Variants in OR2L13 observed in about 807,000 individuals in gnomAD.
OR2L13 encodes the protein olfactory receptor 2L13.
A neutral mutation model predicts 15.3 loss-of-function variants in OR2L13; 14 were observed. That is an observed-to-expected ratio of 0.91 (90% CI 0.60 to 1.43). OR2L13 has a LOEUF of 1.43. OR2L13 is among the 40% of genes most tolerant of loss of function. OR2L13 has a pLI of 0.00. For synonymous variants in OR2L13, 152 were observed against 142.9 expected, an observed-to-expected ratio of 1.06 and a Z score of -0.45; for missense variants, 367 against 387.9, an observed-to-expected ratio of 0.95 and a Z score of 0.45.
At chr1:248,004,147 T>A in the OR2L13 span, 2 of 1,228,474 alleles carry the variant, frequency 1.6e-6, no homozygotes, top group Admixed American at 2.6e-5. Flanking sequence ...TATCATTTCA[T>A]TCCTAGAGTT....
chr1:248,040,342 A>T, the OR2L13 span: 2 of 152,394 alleles, frequency 1.3e-5, no homozygotes, highest in East Asian at 3.9e-4. Flanking sequence ...GCAAGAAGGA[A>T]GGTAGAATGA....
chr1:248,003,321 A>G, the OR2L13 span: 67 of 1,589,900 alleles, frequency 4.2e-5, no homozygotes, highest in Non-Finnish European at 5.7e-5. Context: ...CTACTTAGTC[A>G]GCTCTCCCTC....
At chr1:248,022,262 T>C in the OR2L13 span, 10 of 1,614,086 alleles carry the variant, frequency 6.2e-6, no homozygotes, top group East Asian at 2.2e-4. Context: ...TCTTCATGAC[T>C]TTTGCAGGTG....
the OR2L13 span, among the ~76,000 whole-genome samples, chr1:248,021,397 A>T: frequency 2.6e-5 from 4 of 152,216 alleles, no homozygotes; most frequent in Non-Finnish European, 4.4e-5. Context: ...TTACTATTCT[A>T]TAAGTAGTCC....
chr1:247,966,004 C>T, the OR2L13 span: 2 of 1,612,792 alleles, frequency 1.2e-6, no homozygotes, highest in South Asian at 1.1e-5. Flanking sequence ...CTTGCTACTA[C>T]CATTCCTAGC....
At chr1:248,038,397 A>G in the OR2L13 span, 1 of 1,613,680 alleles carries the variant, frequency 6.2e-7, no homozygotes, top group East Asian at 2.2e-5. Flanking sequence ...AAATCTATCC[A>G]TGATTCTTCT....
the OR2L13 span, among the ~76,000 whole-genome samples, chr1:248,078,279 G>A: frequency 3.3e-5 from 5 of 152,004 alleles, no homozygotes; most frequent in South Asian, 2.1e-4. Flanking sequence ...TCAGGAGATC[G>A]AAATCATCCT....
At chr1:247,995,746 G>A in the OR2L13 span, among the ~76,000 whole-genome samples, 1 of 151,796 alleles carries the variant, frequency 6.6e-6, no homozygotes, top group African/African-American at 2.4e-5. Flanking sequence ...ATTTTTTTGA[G>A]ACATCATGTC....
the OR2L13 span, chr1:248,003,501 C>A: frequency 1.2e-6 from 2 of 1,611,686 alleles, no homozygotes; most frequent in African/African-American, 1.3e-5. Context: ...CGTTGCATTG[C>A]TATTTGCTTT....
chr1:248,010,392 G>A, the OR2L13 span, among the ~76,000 whole-genome samples: 1 of 152,160 alleles, frequency 6.6e-6, no homozygotes, highest in Non-Finnish European at 1.5e-5. Context: ...TGAGAAGAAT[G>A]TATATTCTGT....
upstream of OR2L13, among the ~76,000 whole-genome samples, chr1:248,094,832 G>T (rs142594198): frequency 2.8e-4 from 42 of 152,278 alleles, no homozygotes; most frequent in African/African-American, 9.9e-4. Context: ...TCGAGTACTT[G>T]TAAGTGGTTC....
the OR2L13 span, among the ~76,000 whole-genome samples, chr1:247,958,826 C>T: frequency 7.2e-5 from 11 of 151,984 alleles, no homozygotes; most frequent in East Asian, 1.6e-3. Flanking sequence ...TATTTTGAGC[C>T]TATGTGTGTC....
chr1:247,997,012 T>C, the OR2L13 span: 1 of 152,190 alleles, frequency 6.6e-6, no homozygotes, highest in African/African-American at 2.4e-5. Context: ...CTGGTCTGAG[T>C]GCAGTGGTGT....
At chr1:248,038,843 G>A in the OR2L13 span, 65 of 1,614,020 alleles carry the variant, frequency 4.0e-5, no homozygotes, top group Non-Finnish European at 5.5e-5. Flanking sequence ...CAGACACTTG[G>A]GTCTATGAGA....
At chr1:248,069,872 CAAAG>C in the OR2L13 span, among the ~76,000 whole-genome samples, 3 of 152,166 alleles carry the variant, frequency 2.0e-5, no homozygotes, top group East Asian at 1.9e-4. Flanking sequence ...TCAAAAGAGA[CAAAG>C]AAGGCCATCA....
chr1:247,990,170 C>G, the OR2L13 span: 3 of 547,544 alleles, frequency 5.5e-6, no homozygotes, highest in Non-Finnish European at 1.0e-5. Context: ...CAGGCATTCA[C>G]TGGCGGGCTT....
At chr1:248,006,496 C>T in the OR2L13 span, among the ~76,000 whole-genome samples, 1 of 151,836 alleles carries the variant, frequency 6.6e-6, no homozygotes, top group African/African-American at 2.4e-5. Context: ...AGTGTGGGAC[C>T]CTGTGCATAG....
chr1:248,026,824 T>C, the OR2L13 span, among the ~76,000 whole-genome samples: 6 of 152,194 alleles, frequency 3.9e-5, no homozygotes, highest in Non-Finnish European at 8.8e-5. Context: ...AATCTCTTAA[T>C]CCCATCATCT....
chr1:247,975,590 G>A, the OR2L13 span: 7 of 1,313,090 alleles, frequency 5.3e-6, 1 homozygote, highest in African/African-American at 4.4e-5. Context: ...ATCATCTACA[G>A]CCTGAGAAAC....
Sources: allele counts gnomAD v4.1 joint callset (sites outside exome capture counted in the v4.1 genomes callset), GRCh38; gene constraint gnomAD v4.1.1; transcripts MANE v1.5; gene names NCBI Gene and HGNC (gene_info 2026-07-23, HGNC 2026-07-21).